Variants in ATP8A2 observed in about 807,000 individuals in gnomAD.
The protein encoded by ATP8A2 is ATPase phospholipid transporting 8A2, also known as phospholipid-transporting ATPase IB.
In ATP8A2, 100 loss-of-function variants were observed where a neutral mutation model predicts 165.6. The observed-to-expected ratio is 0.60, with a 90% CI of 0.51 to 0.71. ATP8A2 has a LOEUF of 0.71. ATP8A2 is among the 30% of genes least tolerant of loss of function. ATP8A2 has a pLI of 0.00. For missense variants in ATP8A2, 1,227 were observed against 1,479.5 expected (o/e 0.83, Z 2.80); for synonymous variants, 543 against 548.8 (o/e 0.99, Z 0.15).
intron 24 of ATP8A2, among the ~76,000 whole-genome samples, chr13:25,609,662 A>G (rs2040628337): frequency 6.8e-6 from 1 of 146,140 alleles, no homozygotes; most frequent in African/African-American, 2.6e-5. Flanking sequence ...TACTGGATCA[A>G]ATGGTAGATC....
At chr13:25,589,560 T>C (rs2040012555) in intron 23 of ATP8A2, 75 bp from the exon 24 acceptor site, 12 of 1,126,644 alleles carry the variant, frequency 1.1e-5, no homozygotes, top group African/African-American at 3.1e-5. Flanking sequence ...GTGGCAGATA[T>C]AACCAAGGAG....
At chr13:25,676,736 T>C (rs1209944364) in intron 24 of ATP8A2, among the ~76,000 whole-genome samples, 2 of 152,182 alleles carry the variant, frequency 1.3e-5, no homozygotes, top group Non-Finnish European at 2.9e-5. Flanking sequence ...TTTGACTTGA[T>C]GAAAGTATAC....
chr13:25,792,714 C>A (rs979316427), intron 27 of ATP8A2, among the ~76,000 whole-genome samples: 3 of 151,428 alleles, frequency 2.0e-5, no homozygotes, highest in African/African-American at 7.3e-5. Flanking sequence ...CGTTCAAGAG[C>A]AGTGTTGGCA....
rs201401254 is a variant in ATP8A2 at position 25,769,093 on chromosome 13, G to A, written c.2432G>A (p.Arg811Gln). ...GAGATAGTGGATGTGGTGAAGAAGC[G>A]GGTGAAGGCCATCACCCTCGCCATC... ...KSEIVDVVKK[R>Q]VKAITLAIGD... Residue 811 changes from arginine (R) to glutamine (Q), a missense_variant, in exon 26 of 37, where the codon CGG becomes CAG. This residue lies in a region of ATP8A2 where 592 missense variants were observed against 785.6 expected (regional missense o/e 0.75). Transcript: ENST00000381655. The A allele has an allele frequency of 2.9e-5, 47 of 1,614,196 alleles. No homozygotes were observed. The highest frequency in any genetic ancestry group is 1.1e-4 in the African/African-American group (8 of 75,050).
At chr13:25,414,546 T>C (rs2138074418) in intron 1 of ATP8A2, among the ~76,000 whole-genome samples, 1 of 152,296 alleles carries the variant, frequency 6.6e-6, no homozygotes, top group East Asian at 1.9e-4. Flanking sequence ...TAAGTAAATG[T>C]AATAAATTTT....
chr13:25,494,299 C>T (rs1018443539), intron 2 of ATP8A2, among the ~76,000 whole-genome samples: 1 of 152,142 alleles, frequency 6.6e-6, no homozygotes, highest in Non-Finnish European at 1.5e-5. Context: ...CAGTCTGGGT[C>T]TGCTGCATTT....
intron 33 of ATP8A2, among the ~76,000 whole-genome samples, chr13:25,914,452 T>C (rs1447233747): frequency 6.6e-6 from 1 of 152,218 alleles, no homozygotes; most frequent in African/African-American, 2.4e-5. Flanking sequence ...CTACAACCTG[T>C]GTACTGATGA....
chr13:25,403,378 T>A (rs193155457), intron 1 of ATP8A2, among the ~76,000 whole-genome samples: 2 of 152,332 alleles, frequency 1.3e-5, no homozygotes, highest in African/African-American at 4.8e-5. Flanking sequence ...CCAGATGGGT[T>A]TGCCTGGGAA....
intron 33 of ATP8A2, among the ~76,000 whole-genome samples, chr13:25,870,417 G>A (rs1952642770): frequency 6.6e-6 from 1 of 152,170 alleles, no homozygotes; most frequent in African/African-American, 2.4e-5. Context: ...CCTAGCCAGG[G>A]ACCATGCCCT....
chr13:25,711,144 C>T (rs989595559), intron 25 of ATP8A2, among the ~76,000 whole-genome samples: 8 of 152,068 alleles, frequency 5.3e-5, no homozygotes, highest in Non-Finnish European at 1.0e-4. Context: ...GCTGGGATTA[C>T]AGGGGGCGTG....
At chr13:25,538,893 A>G (rs539507163) in intron 7 of ATP8A2, among the ~76,000 whole-genome samples, 3 of 152,266 alleles carry the variant, frequency 2.0e-5, no homozygotes, top group East Asian at 3.9e-4. Flanking sequence ...ATTTAAAAAT[A>G]GGACTCCAGG....
chr13:25,646,827 G>A lies in ATP8A2; in HGVS notation c.2212-52346G>A, dbSNP rs576129753. ...CTTTGTTCCTTTTTCCATTCTTGCA[G>A]CCTTCCTTTGTGGTTTGATCGTTTT... On this transcript the variant is annotated intron_variant, in intron 24 of 36. Coordinates refer to ENST00000381655, the MANE Select transcript of ATP8A2 (RefSeq NM_016529.6). Among the ~76,000 whole-genome samples the A allele has an allele frequency of 1.2e-4, 19 of 152,112 alleles. 1 individual carries two copies. The highest frequency in any genetic ancestry group is 9.8e-4 in the Admixed American group (15 of 15,276).
intron 33 of ATP8A2, among the ~76,000 whole-genome samples, chr13:25,951,395 T>C (rs1955354863): frequency 6.6e-6 from 1 of 152,260 alleles, no homozygotes; most frequent in Non-Finnish European, 1.5e-5. Context: ...TCAACAGAAC[T>C]GTACTCTGTC....
intron 24 of ATP8A2, among the ~76,000 whole-genome samples, chr13:25,609,173 A>G (rs1032392040): frequency 6.6e-6 from 1 of 152,122 alleles, no homozygotes; most frequent in African/African-American, 2.4e-5. Context: ...TCTTCAAAAA[A>G]ACTAATGAGA....
rs1400552087 is a variant in ATP8A2, at chr13:25,532,321, A to C, written c.466+4A>C. The C allele has an allele frequency of 6.2e-7, 1 of 1,608,184 alleles. No homozygotes were observed. The highest frequency in any genetic ancestry group is 1.3e-5 in the African/African-American group (1 of 74,766). On this transcript the variant is annotated splice_donor_region_variant and intron_variant, in intron 5 of 36. Transcript: ENST00000381655. ...GTTAACAAAAAGAAAACAATAGGTA[A>C]GATCCCAGGCTGAAGGACTTTTTCC...
chr13:25,779,961 C>T (rs138084463), intron 27 of ATP8A2, among the ~76,000 whole-genome samples: 4 of 152,272 alleles, frequency 2.6e-5, no homozygotes, highest in African/African-American at 9.6e-5. Context: ...GTTAGTTGTT[C>T]AGGGTTTTCT....
At chr13:25,888,483 C>G (rs896610511) in intron 33 of ATP8A2, among the ~76,000 whole-genome samples, 1 of 152,180 alleles carries the variant, frequency 6.6e-6, no homozygotes, top group East Asian at 1.9e-4. Flanking sequence ...TATGCAGTAA[C>G]TAATGAAGTG....
intron 33 of ATP8A2, among the ~76,000 whole-genome samples, chr13:25,948,547 G>A (rs1955269546): frequency 6.6e-6 from 1 of 152,146 alleles, no homozygotes; most frequent in African/African-American, 2.4e-5. Context: ...GCTATGGACT[G>A]AATGTGTCTT....
At chr13:25,687,052 T>A (rs2042616659) in intron 24 of ATP8A2, among the ~76,000 whole-genome samples, 1 of 152,110 alleles carries the variant, frequency 6.6e-6, no homozygotes, top group Non-Finnish European at 1.5e-5. Context: ...TTCCAAAATG[T>A]CATCAGAAGG....
Sources: gnomAD v4.1 joint callset for allele counts (sites outside exome capture counted in the v4.1 genomes callset) on GRCh38, gnomAD v4.1.1 for gene constraint, gnomAD v4.1.1 regional missense constraint, MANE v1.5 for transcripts, NCBI Gene and HGNC (gene_info 2026-07-23, HGNC 2026-07-21) for gene names.